The following ATRNL1 variants were observed in gnomAD, a reference collection of about 807,000 sequenced individuals.
ATRNL1 encodes the protein attractin-like protein 1.
A neutral mutation model predicts 182.7 loss-of-function variants in ATRNL1; 95 were observed. That is an observed-to-expected ratio of 0.52 (90% CI 0.44 to 0.62). The LOEUF (loss-of-function observed/expected upper bound fraction) is 0.62. Among genes scored for constraint, ATRNL1 ranks in the 20% least tolerant of loss-of-function variants. ATRNL1 has a pLI of 0.00. For synonymous variants in ATRNL1, 576 were observed against 568.3 expected (o/e 1.01, Z -0.19); for missense variants, 1,471 against 1,679.5 (o/e 0.88, Z 2.17).
At chr10:115,098,193 T>C (rs1298561515) in intron 1 of ATRNL1, among the ~76,000 whole-genome samples, 1 of 152,138 alleles carries the variant, frequency 6.6e-6, no homozygotes, top group Non-Finnish European at 1.5e-5. Flanking sequence ...TCTTAGATTC[T>C]AAATTGATAA....
intron 27 of ATRNL1, among the ~76,000 whole-genome samples, chr10:115,757,724 A>G (rs1396569986): frequency 6.6e-6 from 1 of 152,164 alleles, no homozygotes; most frequent in East Asian, 1.9e-4. Flanking sequence ...AGGTTGGGGA[A>G]GGTCTCTTGG....
rs782738459 is a variant in ATRNL1 at position 115,250,901 on chromosome 10, A to T, written c.1687+9176A>T. 7.9e-5 allele frequency among the ~76,000 whole-genome samples: 12 copies of T among 152,210 alleles called. No homozygotes were observed. The East Asian group carries it at 2.3e-3, about 29-fold the overall frequency. On this transcript the variant is annotated intron_variant, in intron 10 of 28. Coordinates refer to ENST00000355044, the MANE Select transcript of ATRNL1 (RefSeq NM_207303.4). ...AATGTAATGTTCTGCAAGATGTCCAACAGGATCAAATGTATTCTGACTATG... is the reference window on the plus strand; with the variant it reads ...AATGTAATGTTCTGCAAGATGTCCATCAGGATCAAATGTATTCTGACTATG...
chr10:115,723,430 T>C (rs1329637627), intron 26 of ATRNL1, among the ~76,000 whole-genome samples: 11 of 152,182 alleles, frequency 7.2e-5, no homozygotes, highest in African/African-American at 2.4e-4. Context: ...TGATACCGTA[T>C]TTGAAGTAAT....
chr10:115,173,897 A>G lies in ATRNL1; in HGVS notation c.1348+2605A>G, dbSNP rs529249143. 6.1e-5 allele frequency among the ~76,000 whole-genome samples: 9 copies of G among 147,030 alleles called. No individual in the cohort carries two copies. The South Asian group carries it at 8.5e-4, about 14-fold the overall frequency. On this transcript the variant is annotated intron_variant, in intron 8 of 28. Coordinates refer to ENST00000355044, the MANE Select transcript of ATRNL1 (RefSeq NM_207303.4). ...CGAGAGAGTTGAATTTTGCTTTGTG[A>G]TTCCTGTTTTTTTTTTTGTAAATTT...
intron 10 of ATRNL1, among the ~76,000 whole-genome samples, chr10:115,255,017 C>T (rs1165773555): frequency 1.3e-5 from 2 of 152,184 alleles, no homozygotes; most frequent in African/African-American, 2.4e-5. Context: ...GTACCAGTAC[C>T]ATGCTGTTTT....
chr10:115,295,425 G>C (rs1853131283), intron 15 of ATRNL1, among the ~76,000 whole-genome samples: 1 of 152,164 alleles, frequency 6.6e-6, no homozygotes, highest in African/African-American at 2.4e-5. Flanking sequence ...TTTCTCAGGT[G>C]CTGGATGTGG....
chr10:115,530,519 C>T (rs868990854), intron 25 of ATRNL1, among the ~76,000 whole-genome samples: 4 of 151,896 alleles, frequency 2.6e-5, no homozygotes, highest in South Asian at 2.1e-4. Context: ...AAGAGTTAAG[C>T]GCTTGAAAAA....
chr10:115,943,460 A>T (rs1279981361), intron 28 of ATRNL1, among the ~76,000 whole-genome samples: 1 of 152,212 alleles, frequency 6.6e-6, no homozygotes, highest in Non-Finnish European at 1.5e-5. Flanking sequence ...GCAAATTTAA[A>T]CAACTGCAAG....
intron 26 of ATRNL1, among the ~76,000 whole-genome samples, chr10:115,670,869 G>T (rs544590896): frequency 2.6e-5 from 4 of 152,182 alleles, no homozygotes; most frequent in African/African-American, 9.6e-5. Context: ...AGCTAATTCT[G>T]TGATTAGTAT....
chr10:115,645,437 A>G (rs1859542353), intron 26 of ATRNL1, among the ~76,000 whole-genome samples: 2 of 147,760 alleles, frequency 1.4e-5, no homozygotes, highest in South Asian at 4.2e-4. Context: ...ATTTGTATAT[A>G]TATAATATAG....
At chr10:115,700,956 C>T (rs1235800488) in intron 26 of ATRNL1, among the ~76,000 whole-genome samples, 13 of 151,942 alleles carry the variant, frequency 8.6e-5, no homozygotes, top group Admixed American at 6.6e-5. Flanking sequence ...ACCATTTGGA[C>T]CTAAAAGATA....
intron 27 of ATRNL1, among the ~76,000 whole-genome samples, chr10:115,822,665 A>G (rs966670131): frequency 1.3e-4 from 20 of 152,232 alleles, no homozygotes; most frequent in Admixed American, 8.5e-4. Flanking sequence ...CTATGCAAAT[A>G]AACTAGAAAA....
chr10:115,855,129 T>C (rs1285511965), intron 28 of ATRNL1, among the ~76,000 whole-genome samples: 1 of 152,222 alleles, frequency 6.6e-6, no homozygotes, highest in Non-Finnish European at 1.5e-5. Flanking sequence ...CTCAGACCTT[T>C]AGTTTCTTCA....
intron 21 of ATRNL1, 104 bp downstream of exon 21, chr10:115,426,406 A>G: frequency 1.4e-6 from 1 of 739,502 alleles, no homozygotes; most frequent in Non-Finnish European, 2.2e-6. Flanking sequence ...ATATCTTGCA[A>G]TTTCTATTTC....
chr10:115,395,300 G>A (rs1253354609), intron 20 of ATRNL1, among the ~76,000 whole-genome samples: 6 of 151,852 alleles, frequency 4.0e-5, no homozygotes, highest in African/African-American at 1.5e-4. Flanking sequence ...TCTGAATACT[G>A]CTGCAGTGAA....
intron 28 of ATRNL1, among the ~76,000 whole-genome samples, chr10:115,881,291 G>C (rs996795369): frequency 9.2e-5 from 14 of 152,176 alleles, no homozygotes; most frequent in Non-Finnish European, 4.4e-5. Context: ...TTTATGGCTT[G>C]GCACAGAGTG....
rs576877037 is a variant in ATRNL1 at position 115,647,944 on chromosome 10, C to A, written c.3796-79304C>A. Reference sequence around the variant, plus strand: ...ATGGTTTTAGGTCTAACATTTAAGTCTTTAATCCATCTTGAATTAATTTTA... The same window carrying A: ...ATGGTTTTAGGTCTAACATTTAAGTATTTAATCCATCTTGAATTAATTTTA... On this transcript the variant is annotated intron_variant, in intron 26 of 28. Coordinates refer to ENST00000355044, the MANE Select transcript of ATRNL1 (RefSeq NM_207303.4). Among the ~76,000 whole-genome samples the A allele has an allele frequency of 3.9e-5, 6 of 152,188 alleles. No homozygotes were observed. The East Asian group carries it at 1.2e-3, about 29-fold the overall frequency.
chr10:115,849,369 G>A (rs1382927155), intron 28 of ATRNL1, among the ~76,000 whole-genome samples: 8 of 152,022 alleles, frequency 5.3e-5, no homozygotes, highest in Admixed American at 1.3e-4. Context: ...TTTAAAACTG[G>A]GATGATTTCC....
chr10:115,334,802 G>T (rs375833227), intron 19 of ATRNL1, among the ~76,000 whole-genome samples: 1 of 151,948 alleles, frequency 6.6e-6, no homozygotes, highest in South Asian at 2.1e-4. Context: ...ACTTACATCA[G>T]GTAAGATTTT....
Sources: gnomAD v4.1 joint callset for allele counts (sites outside exome capture counted in the v4.1 genomes callset) on GRCh38, gnomAD v4.1.1 for gene constraint, MANE v1.5 for transcripts, NCBI Gene and HGNC (gene_info 2026-07-23, HGNC 2026-07-21) for gene names.